Variants in ATG2B observed in about 807,000 individuals in gnomAD.
The protein encoded by ATG2B is autophagy-related protein 2 homolog B.
A neutral mutation model predicts 241.3 loss-of-function variants in ATG2B; 121 were observed. The ratio of observed to expected loss-of-function variants is 0.50; its 90% CI spans 0.43 to 0.58. The LOEUF (loss-of-function observed/expected upper bound fraction) is 0.58, where lower values mean the gene tolerates loss of function less well. Among genes scored for constraint, ATG2B ranks in the 20% least tolerant of loss-of-function variants. ATG2B has a pLI of 0.00. For missense variants in ATG2B, 2,306 were observed against 2,491.6 expected (o/e 0.93, Z 1.59); for synonymous variants, 858 against 876.6 (o/e 0.98, Z 0.37).
rs1333677675 is a variant in ATG2B at position 96,344,694 on chromosome 14, T to C, written c.541A>G (p.Asn181Asp). ...TCAAGTGCAGTTCCAGTTTTGGAAT[T>C]TTCTGGCACATGTTCAATTCTCAAA... The part of the protein sequence containing the change: ...TVLRIEHVPE[N>D]SKTGTALEIR... The change falls in exon 4 of 42, where the codon AAT becomes GAT. Residue 181 changes from asparagine (N) to aspartate (D), a missense_variant. Physicochemically the swap from Asn to Asp is conservative, Grantham distance 23 (BLOSUM62 1). Coordinates refer to ENST00000359933, the MANE Select transcript of ATG2B (RefSeq NM_018036.7). 6.2e-7 allele frequency: 1 copy of C among 1,607,670 alleles called. No individual in the cohort carries two copies. Among genetic ancestry groups the C allele is most frequent in the African/African-American group, 1.3e-5 (1 of 74,654 alleles).
In ATG2B at chr14:96,289,407, G is replaced by C. The variant is rs1886422228; in HGVS notation, c.6006+249C>G. 1.0e-5 allele frequency: 4 copies of C among 384,086 alleles called. No individual in the cohort carries two copies. In the East Asian group the frequency reaches 1.9e-4, roughly 18 times the overall value. The allele number at this position is 384,086 out of a possible 1,614,324, so 23.8% of individuals were successfully genotyped here. A position where few individuals can be genotyped will look rare whatever the true frequency, so the allele number is the denominator to read the frequency against. ...GGCATTTGTTTCTATCACTCCCTGA[G>C]TGCTTCTGCAGGTGAAGAGAGAGAA... On this transcript the variant is annotated intron_variant, in intron 41 of 41. Coordinates refer to ENST00000359933, the MANE Select transcript of ATG2B (RefSeq NM_018036.7). This position sits in a 1 kb window ranked among gnomAD's most constrained non-coding sequence, Gnocchi z 4.3.
At position 96,317,291 on chromosome 14, in the gene ATG2B, T is replaced by A. The variant is rs781516992; in HGVS notation, c.3064A>T (p.Thr1022Ser). 6.2e-7 allele frequency: 1 copy of A among 1,613,338 alleles called. No homozygotes were observed. The highest frequency in any genetic ancestry group is 1.1e-5 in the South Asian group (1 of 90,884). ...TCAACAGTGGAAAAATACTGCAAAG[T>A]CTCCTCCTCAGATCCACTTTCCTCA... is the stretch of plus-strand genomic sequence containing the variant. The part of the protein sequence containing the change: ...YDEESGSEEE[T>S]LQYFSTVDPN... Residue 1022 changes from threonine (T) to serine (S), a missense_variant, in exon 20 of 42, where the codon ACT (threonine) becomes TCT (serine). Thr to Ser is a moderately conservative substitution (Grantham distance 58, BLOSUM62 1). Coordinates refer to ENST00000359933, the MANE Select transcript of ATG2B (RefSeq NM_018036.7).
At chr14:96,343,058 C>A in intron 5 of ATG2B, 61 bp downstream of exon 5, 1 of 1,316,288 alleles carries the variant, frequency 7.6e-7, no homozygotes, top group South Asian at 1.9e-5. Flanking sequence ...ATTTAATAGC[C>A]CCCATTTAAA....
Position 96,285,658 on chromosome 14 carries a change from G to A in ATG2B, c.*97C>T. 8.7e-7 allele frequency: 1 copy of A among 1,149,014 alleles called. No individual in the cohort carries two copies. The highest frequency in any genetic ancestry group is 1.3e-6 in the Non-Finnish European group (1 of 790,776). The allele number at this position is 1,149,014 out of a possible 1,614,324, so 71.2% of individuals were successfully genotyped here. A position where few individuals can be genotyped will look rare whatever the true frequency, so the allele number is the denominator to read the frequency against. On this transcript the variant is annotated 3_prime_UTR_variant, in exon 42 of 42. Coordinates refer to ENST00000359933, the MANE Select transcript of ATG2B (RefSeq NM_018036.7). This position sits in a 1 kb window ranked among gnomAD's most constrained non-coding sequence, Gnocchi z 4.2. ...AAAAATGCTTTTGTTCCTGAGATGA[G>A]CACAATAAAATTAAACGAGCTTCCT... is the stretch of plus-strand genomic sequence containing the variant.
intron 34 of ATG2B, among the ~76,000 whole-genome samples, 180 bp from the exon 35 acceptor site, chr14:96,295,740 C>CACACACACACACAT (rs1431681104): frequency 6.6e-6 from 1 of 151,900 alleles, no homozygotes; most frequent in Non-Finnish European, 1.5e-5. Flanking sequence ...CACACACACA[C>CACACACACACACAT]ACACACACAC....
At chr14:96,323,768 C>T (rs1887517443) in intron 16 of ATG2B, 128 bp downstream of exon 16, 1 of 710,894 alleles carries the variant, frequency 1.4e-6, no homozygotes, top group South Asian at 1.6e-5. Context: ...AATCATCACG[C>T]TTATGAACCA....
Position 96,289,623 on chromosome 14 carries a change from G to C in ATG2B, c.6006+33C>G. 1.2e-6 allele frequency: 2 copies of C among 1,608,436 alleles called. No homozygotes were observed. The highest frequency in any genetic ancestry group is 1.7e-6 in the Non-Finnish European group (2 of 1,177,404). On this transcript the variant is annotated intron_variant, in intron 41 of 41. Transcript: ENST00000359933. This position sits in a 1 kb window ranked among gnomAD's most constrained non-coding sequence, Gnocchi z 4.3. ...TGAAAGTTGGGAAAGCGCACAGAAG[G>C]GTTCTGATGTGTCCACCCAAGTATT...
At chr14:96,308,461 T>C (rs1475955151) in intron 29 of ATG2B, among the ~76,000 whole-genome samples, 5 of 66,824 alleles carry the variant, frequency 7.5e-5, no homozygotes, top group Non-Finnish European at 1.4e-4. Context: ...CACATCTAGC[T>C]TTTTTTTTTT....
chr14:96,310,578 A>G (rs754449514), intron 28 of ATG2B, among the ~76,000 whole-genome samples: 21 of 152,108 alleles, frequency 1.4e-4, no homozygotes, highest in Non-Finnish European at 2.6e-4. Context: ...TGTTTCTGCT[A>G]CTCTTTAGAG....
chr14:96,343,548 C>G, intron 4 of ATG2B, among the ~76,000 whole-genome samples: 1 of 152,104 alleles, frequency 6.6e-6, no homozygotes, highest in East Asian at 1.9e-4. Flanking sequence ...TCTCACCATG[C>G]TTTACTACCA....
intron 11 of ATG2B, 73 bp downstream of exon 11, chr14:96,331,301 CAT>C: frequency 7.2e-7 from 1 of 1,390,442 alleles, no homozygotes; most frequent in Non-Finnish European, 9.8e-7. Context: ...CAAAAGTCCA[CAT>C]GTGGTTCTTT....
chr14:96,294,166 T>A (rs770898714), intron 36 of ATG2B, among the ~76,000 whole-genome samples: 3 of 152,216 alleles, frequency 2.0e-5, no homozygotes, highest in Non-Finnish European at 2.9e-5. Context: ...ACTGCTGACT[T>A]TGGCCCATGC....
At chr14:96,318,991 G>A (rs532041595) in intron 18 of ATG2B, among the ~76,000 whole-genome samples, 3 of 152,178 alleles carry the variant, frequency 2.0e-5, no homozygotes, top group African/African-American at 7.2e-5. Context: ...TAACAGGCAC[G>A]GACAGTTGGT....
intron 1 of ATG2B, among the ~76,000 whole-genome samples, chr14:96,359,332 C>A (rs1264323867): frequency 6.6e-6 from 1 of 151,712 alleles, no homozygotes; most frequent in African/African-American, 2.4e-5. Flanking sequence ...AAGCCTAGAT[C>A]ACGCCACTGC....
At chr14:96,356,382 A>G (rs1204172213) in intron 1 of ATG2B, among the ~76,000 whole-genome samples, 7 of 152,194 alleles carry the variant, frequency 4.6e-5, no homozygotes, top group Non-Finnish European at 5.9e-5. Flanking sequence ...AAGGTCTTCA[A>G]TTAATCACTG....
At chr14:96,294,450 G>T (rs937810705) in intron 36 of ATG2B, among the ~76,000 whole-genome samples, 7 of 152,350 alleles carry the variant, frequency 4.6e-5, no homozygotes, top group African/African-American at 1.7e-4. Context: ...AGCAGTCACA[G>T]CCGACGGCAG....
Position 96,305,495 on chromosome 14 carries a change from CTTT to C in ATG2B, c.4733+91_4733+93del, listed in dbSNP as rs1002216736. ...TCTTAAAATGATAAATCCTATTTTT[CTTT>C]TTTCTCTCTAAAGGGGAAATGGAAA... On this transcript the variant is annotated intron_variant, in intron 31 of 41. Coordinates refer to ENST00000359933, the MANE Select transcript of ATG2B (RefSeq NM_018036.7). 7 of 778,692 alleles carry C rather than the reference CTTT, an allele frequency of 9.0e-6. No homozygotes were observed. The African/African-American group carries it at 1.2e-4, about 14-fold the overall frequency. The allele number at this position is 778,692 out of a possible 1,614,324, so 48.2% of individuals were successfully genotyped here.
intron 1 of ATG2B, 63 bp from the exon 2 acceptor site, chr14:96,347,404 T>C (rs1481588057): frequency 2.1e-5 from 28 of 1,348,898 alleles, no homozygotes; most frequent in South Asian, 3.3e-5. Context: ...TGTGAACTTA[T>C]TCAAAGGTGT....
Position 96,344,754 on chromosome 14 carries a change from G to C in ATG2B, c.481C>G (p.Leu161Val), listed in dbSNP as rs779609575. Residue 161 changes from leucine to valine, a missense_variant and splice_region_variant, in exon 4 of 42, where the codon CTA becomes GTA. Transcript: ENST00000359933. ...ATAAAAGTGACTTTTACTCTTCTTA[G>C]TACTAAAGTAAACAAGTAATTGTCA... The part of the protein sequence containing the change: ...EKFAETIETV[L>V]RRVKVTFIDT... 3.4e-6 allele frequency: 5 copies of C among 1,477,392 alleles called. No individual in the cohort carries two copies. Among genetic ancestry groups the C allele is most frequent in the Non-Finnish European group, 4.6e-6 (5 of 1,075,444 alleles). The allele number at this position is 1,477,392 out of a possible 1,614,324, so 91.5% of individuals were successfully genotyped here.
Sources: gnomAD v4.1 joint callset for allele counts (sites outside exome capture counted in the v4.1 genomes callset) on GRCh38, gnomAD v4.1.1 for gene constraint, Gnocchi (gnomAD v3.1) non-coding constraint, MANE v1.5 for transcripts, NCBI Gene and HGNC (gene_info 2026-07-23, HGNC 2026-07-21) for gene names.